MYO16: variants seen among roughly 807,000 people sequenced by gnomAD.
The protein encoded by MYO16 is myosin XVI, also known as unconventional myosin-XVI.
Under a neutral mutation model 205.3 loss-of-function variants are expected in MYO16, and 94 were observed. The observed-to-expected ratio is 0.46, with a 90% CI of 0.39 to 0.54. The LOEUF (loss-of-function observed/expected upper bound fraction) is 0.54. MYO16 is among the 20% of genes least tolerant of loss of function. MYO16 has a pLI of 0.00. For missense variants in MYO16, 2,315 were observed against 2,387.5 expected (o/e 0.97, Z 0.63); for synonymous variants, 988 against 954.0 (o/e 1.04, Z -0.66).
chr13:108,991,096 CAAT>C (rs1247049256), intron 20 of MYO16, among the ~76,000 whole-genome samples: 1 of 152,192 alleles, frequency 6.6e-6, no homozygotes, highest in East Asian at 1.9e-4. Flanking sequence ...TACTATACGT[CAAT>C]GATGTGGAAG....
chr13:109,109,553 G>A (rs1889220256), intron 28 of MYO16, among the ~76,000 whole-genome samples: 1 of 152,164 alleles, frequency 6.6e-6, no homozygotes, highest in South Asian at 2.1e-4. Context: ...GAGCCATGGT[G>A]GATGGGACAA....
At chr13:108,893,685 T>C (rs1478688492) in intron 14 of MYO16, among the ~76,000 whole-genome samples, 4 of 152,120 alleles carry the variant, frequency 2.6e-5, no homozygotes, top group African/African-American at 9.7e-5. Context: ...GAGACACGGT[T>C]TAGCCATATT....
intron 1 of MYO16, among the ~76,000 whole-genome samples, chr13:108,657,501 G>T (rs56093338): frequency 5.3e-5 from 8 of 152,124 alleles, no homozygotes; most frequent in Non-Finnish European, 7.4e-5. Flanking sequence ...TATATATCTT[G>T]GTTGTAGGAA....
the MYO16 span, among the ~76,000 whole-genome samples, chr13:108,542,796 A>G: frequency 6.6e-6 from 1 of 152,068 alleles, no homozygotes; most frequent in African/African-American, 2.4e-5. Context: ...GCCATGAATC[A>G]GGGAAAATGT....
At chr13:109,150,559 A>G (rs1435390683) in intron 32 of MYO16, among the ~76,000 whole-genome samples, 1 of 152,236 alleles carries the variant, frequency 6.6e-6, no homozygotes, top group African/African-American at 2.4e-5. Flanking sequence ...GGCAGCTAGC[A>G]TGTCAGTCAG....
At chr13:108,568,725 T>TAA in the MYO16 span, among the ~76,000 whole-genome samples, 1 of 151,774 alleles carries the variant, frequency 6.6e-6, no homozygotes, top group African/African-American at 2.4e-5. Context: ...ATTATTATTT[T>TAA]TTGCTACTTG....
chr13:108,557,101 C>T, the MYO16 span, among the ~76,000 whole-genome samples: 7 of 152,052 alleles, frequency 4.6e-5, no homozygotes, highest in Admixed American at 1.3e-4. Context: ...ACCAGGATTG[C>T]TTTGGCAATT....
At chr13:108,748,934 T>C (rs2139630417) in intron 4 of MYO16, among the ~76,000 whole-genome samples, 1 of 152,270 alleles carries the variant, frequency 6.6e-6, no homozygotes, top group Middle Eastern at 3.4e-3. Flanking sequence ...TTTATGTATA[T>C]GCTAATATCA....
chr13:108,996,618 A>T (rs1885010707), intron 21 of MYO16, among the ~76,000 whole-genome samples: 1 of 152,172 alleles, frequency 6.6e-6, no homozygotes, highest in Non-Finnish European at 1.5e-5. Flanking sequence ...ACCTTTGAGG[A>T]CAATAAGGAA....
At chr13:108,985,760 T>A (rs1322516695) in intron 20 of MYO16, among the ~76,000 whole-genome samples, 1 of 152,238 alleles carries the variant, frequency 6.6e-6, no homozygotes, top group Non-Finnish European at 1.5e-5. Flanking sequence ...GATTTGGCAT[T>A]GCCAAAATGA....
chr13:109,130,328 G>C (rs191372582), intron 31 of MYO16, among the ~76,000 whole-genome samples: 2 of 152,306 alleles, frequency 1.3e-5, no homozygotes, highest in Admixed American at 6.5e-5. Flanking sequence ...CAAAGGGCAA[G>C]TGTATGCATT....
At chr13:108,510,472 T>TTTTG in the MYO16 span, among the ~76,000 whole-genome samples, 10 of 131,504 alleles carry the variant, frequency 7.6e-5, 1 homozygote, top group African/African-American at 2.9e-4. Flanking sequence ...TTTTTTTTTT[T>TTTTG]TTTTTTTTTT....
intron 25 of MYO16, chr13:109,054,291 T>C: frequency 2.5e-6 from 1 of 403,228 alleles, no homozygotes; most frequent in South Asian, 1.8e-5. Flanking sequence ...TAGAGTCTAC[T>C]ACCATTTTTT....
intron 20 of MYO16, among the ~76,000 whole-genome samples, chr13:108,979,642 T>A (rs1025923298): frequency 5.3e-5 from 8 of 152,098 alleles, no homozygotes; most frequent in Non-Finnish European, 1.2e-4. Flanking sequence ...GAGACAAACC[T>A]GCTTTCTAAA....
At chr13:108,714,759 T>C (rs1256057463) in intron 3 of MYO16, among the ~76,000 whole-genome samples, 2 of 152,224 alleles carry the variant, frequency 1.3e-5, no homozygotes, top group Admixed American at 6.5e-5. Context: ...TATTTTTCTA[T>C]ATATAGATGA....
intron 9 of MYO16, among the ~76,000 whole-genome samples, chr13:108,834,668 T>TCTCA (rs1491229066): frequency 6.4e-5 from 2 of 31,266 alleles, no homozygotes; most frequent in South Asian, 4.3e-4. Flanking sequence ...TCTCTCTCTC[T>TCTCA]CACACATATA....
chr13:108,622,742 A>G (rs1466911071), intron 1 of MYO16, among the ~76,000 whole-genome samples: 3 of 151,992 alleles, frequency 2.0e-5, no homozygotes, highest in Admixed American at 1.3e-4. Flanking sequence ...GCTAAGAGAG[A>G]TTCTGATGGG....
At chr13:108,765,666 C>T (rs576933071) in intron 4 of MYO16, among the ~76,000 whole-genome samples, 1 of 152,282 alleles carries the variant, frequency 6.6e-6, no homozygotes, top group Admixed American at 6.5e-5. Flanking sequence ...TGCCCGGGGA[C>T]CCATCCTCCC....
chr13:109,007,035 G>A (rs559084133), intron 21 of MYO16, among the ~76,000 whole-genome samples: 42 of 152,250 alleles, frequency 2.8e-4, no homozygotes, highest in Non-Finnish European at 7.4e-5. Flanking sequence ...GTCAAATAAC[G>A]CCGGGGTGGG....
Sources: gnomAD v4.1 joint callset for allele counts (sites outside exome capture counted in the v4.1 genomes callset) on GRCh38, gnomAD v4.1.1 for gene constraint, MANE v1.5 for transcripts, NCBI Gene and HGNC (gene_info 2026-07-23, HGNC 2026-07-21) for gene names.